Variants in OR51B5 observed in about 807,000 individuals in gnomAD.
The protein encoded by OR51B5 is olfactory receptor 51B5.
For missense variants in OR51B5, 456 were observed against 374.6 expected, an observed-to-expected ratio of 1.22 and a Z score of -1.79; for synonymous variants, 186 against 144.8, an observed-to-expected ratio of 1.28 and a Z score of -2.04.
intron 1 of OR51B5, among the ~76,000 whole-genome samples, chr11:5,369,368 G>A (rs1264044644): frequency 1.3e-5 from 2 of 152,112 alleles, no homozygotes; most frequent in South Asian, 4.2e-4. Context: ...TAATATTTTA[G>A]CAGCCACTAT....
At chr11:5,433,813 C>T (rs190179378) in intron 1 of OR51B5, among the ~76,000 whole-genome samples, 151 of 151,158 alleles carry the variant, frequency 1.0e-3, no homozygotes, top group African/African-American at 3.5e-3. Context: ...GCCTAGGCAA[C>T]AGAATGAGAT....
intron 1 of OR51B5, among the ~76,000 whole-genome samples, chr11:5,462,487 A>G (rs1488421893): frequency 1.3e-5 from 2 of 152,176 alleles, no homozygotes; most frequent in Non-Finnish European, 2.9e-5. Context: ...CAATTAAGCC[A>G]CCTACAGACC....
chr11:5,369,958 G>A (rs1849425003), intron 1 of OR51B5, among the ~76,000 whole-genome samples: 1 of 152,264 alleles, frequency 6.6e-6, no homozygotes, highest in East Asian at 1.9e-4. Flanking sequence ...TCAAGGAAAG[G>A]CAGTGGGGAA....
At chr11:5,405,394 C>G (rs7951302) in intron 1 of OR51B5, among the ~76,000 whole-genome samples, 1,624 of 152,142 alleles carry the variant, frequency 0.011, 30 homozygotes, top group African/African-American at 0.036. Flanking sequence ...AGAAATAAAG[C>G]CTTTGATCTC....
intron 1 of OR51B5, among the ~76,000 whole-genome samples, chr11:5,495,988 T>A (rs187711741): frequency 6.6e-6 from 1 of 152,260 alleles, no homozygotes; most frequent in Non-Finnish European, 1.5e-5. Flanking sequence ...AACCTCTCCA[T>A]GAACAGACTC....
rs116535306 is a variant in OR51B5 at position 5,389,416 on chromosome 11, G to A, written n.85-42506C>T. On this transcript the variant is annotated intron_variant and non_coding_transcript_variant, in intron 1 of 4. Coordinates refer to the OR51B5 transcript ENST00000415970. Reference sequence around the variant, plus strand: ...CCCGAGGAATGTCAGTCCAATATTCGCTCAGTCCTCAATTCATGCTGCTAT... The same window carrying A: ...CCCGAGGAATGTCAGTCCAATATTCACTCAGTCCTCAATTCATGCTGCTAT... The A allele has an allele frequency of 3.8e-5, 61 of 1,613,070 alleles. No homozygotes were observed. In the East Asian group the frequency reaches 8.9e-4, roughly 24 times the overall value.
chr11:5,419,593 T>C lies in OR51B5; in HGVS notation n.85-72683A>G, dbSNP rs562600335. ...TCAAAATTATTTAAGCATAAAGGAGTATGTGCATAGGCTACATGCAAACAC... is the reference window on the plus strand; with the variant it reads ...TCAAAATTATTTAAGCATAAAGGAGCATGTGCATAGGCTACATGCAAACAC... On this transcript the variant is annotated intron_variant and non_coding_transcript_variant, in intron 1 of 4. Coordinates refer to the OR51B5 transcript ENST00000415970. Among the ~76,000 whole-genome samples, 42 of 152,240 alleles carry C rather than the reference T, an allele frequency of 2.8e-4. 1 individual carries two copies. Among genetic ancestry groups the C allele is most frequent in the African/African-American group, 1.0e-3 (42 of 41,542 alleles).
chr11:5,341,238 T>C (rs1848887630), downstream of OR51B5: 1 of 152,160 alleles, frequency 6.6e-6, no homozygotes. Context: ...GGTAAGCAAG[T>C]GCATACTGAA....
At chr11:5,421,501 G>A (rs1173395193) in intron 1 of OR51B5, among the ~76,000 whole-genome samples, 1 of 152,196 alleles carries the variant, frequency 6.6e-6, no homozygotes, top group East Asian at 1.9e-4. Context: ...CTTCACCTGG[G>A]CTGTTAAACA....
At chr11:5,440,463 C>G (rs1850660600) in intron 1 of OR51B5, 1 of 693,764 alleles carries the variant, frequency 1.4e-6, no homozygotes, top group South Asian at 1.8e-5. Context: ...GATACATTCA[C>G]TACTATCAAG....
chr11:5,488,603 T>C (rs935099092), intron 1 of OR51B5: 46 of 915,188 alleles, frequency 5.0e-5, no homozygotes, highest in Admixed American at 7.3e-5. Context: ...AAAAAGATTA[T>C]TTCACAGAAA....
chr11:5,484,078 C>T (rs1309441123), intron 1 of OR51B5, among the ~76,000 whole-genome samples: 2 of 152,152 alleles, frequency 1.3e-5, no homozygotes, highest in Non-Finnish European at 2.9e-5. Flanking sequence ...CACACCTTTA[C>T]ACCGAGGTCC....
upstream of OR51B5, among the ~76,000 whole-genome samples, chr11:5,348,029 T>C (rs567255396): frequency 1.3e-4 from 19 of 147,286 alleles, no homozygotes; most frequent in Admixed American, 7.5e-4. Context: ...CTCTGTAAGA[T>C]CTCATTGCAG....
At chr11:5,450,673 G>T (rs1226070476) in intron 1 of OR51B5, among the ~76,000 whole-genome samples, 1 of 152,086 alleles carries the variant, frequency 6.6e-6, no homozygotes, top group Non-Finnish European at 1.5e-5. Flanking sequence ...TTTGTTTAGG[G>T]GTACCTGTGA....
intron 1 of OR51B5, among the ~76,000 whole-genome samples, chr11:5,364,207 T>C (rs1849330889): frequency 6.6e-6 from 1 of 152,138 alleles, no homozygotes; most frequent in African/African-American, 2.4e-5. Context: ...TTGACAAACT[T>C]TAAGTTCAAA....
At chr11:5,414,312 CA>C (rs1850199962) in intron 1 of OR51B5, among the ~76,000 whole-genome samples, 2 of 147,046 alleles carry the variant, frequency 1.4e-5, no homozygotes, top group Admixed American at 6.9e-5. Context: ...CAACCGGTAC[CA>C]GCCACTGCAA....
At chr11:5,370,594 A>G (rs557191556) in intron 1 of OR51B5, among the ~76,000 whole-genome samples, 1 of 152,300 alleles carries the variant, frequency 6.6e-6, no homozygotes, top group East Asian at 1.9e-4. Flanking sequence ...TAGAATAACT[A>G]AATACATTTA....
chr11:5,468,550 T>C lies in OR51B5; in HGVS notation n.84+37019A>G, dbSNP rs766524015. The C allele has an allele frequency of 1.2e-5, 5 of 403,110 alleles. 1 individual carries two copies. The highest frequency in any genetic ancestry group is 2.5e-5 in the Non-Finnish European group (5 of 198,824). The allele number at this position is 403,110 out of a possible 1,614,324, so 25.0% of individuals were successfully genotyped here. A position where few individuals can be genotyped will look rare whatever the true frequency, so the allele number is the denominator to read the frequency against. ...GCGAATCTCCTTAGTCTTGATGGAA[T>C]AGATAATTGGGTAGAGCATTGGAGG... On this transcript the variant is annotated intron_variant and non_coding_transcript_variant, in intron 1 of 4. Transcript: ENST00000415970.
intron 1 of OR51B5, chr11:5,362,489 A>C (rs1187866141): frequency 6.4e-6 from 1 of 155,910 alleles, no homozygotes; most frequent in Non-Finnish European, 1.4e-5. Context: ...ACTATGAATC[A>C]GAATAGATAA....
Sources: gnomAD v4.1 joint callset for allele counts (sites outside exome capture counted in the v4.1 genomes callset) on GRCh38, gnomAD v4.1.1 for gene constraint, MANE v1.5 for transcripts, NCBI Gene and HGNC (gene_info 2026-07-23, HGNC 2026-07-21) for gene names.